ACVR1C: variants seen among roughly 807,000 people sequenced by gnomAD.
ACVR1C encodes activin receptor type-1C.
A neutral mutation model predicts 57.9 loss-of-function variants in ACVR1C; 23 were observed. The observed-to-expected ratio is 0.40, with a 90% CI of 0.29 to 0.56. ACVR1C has a LOEUF of 0.56. Among genes scored for constraint, ACVR1C ranks in the 20% least tolerant of loss-of-function variants. The pLI, the probability that ACVR1C is intolerant of heterozygous loss-of-function variation, is 0.50. For missense variants in ACVR1C, 480 were observed against 607.9 expected (o/e 0.79, Z 2.21); for synonymous variants, 214 against 215.3 (o/e 0.99, Z 0.05).
intron 5 of ACVR1C, among the ~76,000 whole-genome samples, chr2:157,544,063 G>T (rs1293245521): frequency 7.2e-6 from 1 of 139,616 alleles, no homozygotes; most frequent in African/African-American, 2.7e-5. Flanking sequence ...TTTTGAGACA[G>T]GGTCTCGTTC....
chr2:157,597,042 G>A (rs1292835660), intron 1 of ACVR1C, among the ~76,000 whole-genome samples: 1 of 152,032 alleles, frequency 6.6e-6, no homozygotes, highest in Non-Finnish European at 1.5e-5. Flanking sequence ...TCTTGGAGGT[G>A]AATCTTGAGA....
chr2:157,554,655 T>C (rs1261202133), intron 3 of ACVR1C, among the ~76,000 whole-genome samples: 1 of 152,208 alleles, frequency 6.6e-6, no homozygotes, highest in Non-Finnish European at 1.5e-5. Flanking sequence ...TTTTCTTTTC[T>C]GATGAATCCA....
chr2:157,564,225 G>A (rs1688307317), intron 2 of ACVR1C, among the ~76,000 whole-genome samples: 1 of 152,054 alleles, frequency 6.6e-6, no homozygotes, highest in African/African-American at 2.4e-5. Context: ...ATTAGACAAA[G>A]GTCCAGTATC....
At chr2:157,620,940 A>G (rs1283596227) in intron 1 of ACVR1C, among the ~76,000 whole-genome samples, 1 of 152,206 alleles carries the variant, frequency 6.6e-6, no homozygotes, top group African/African-American at 2.4e-5. Flanking sequence ...TTTATTAACC[A>G]TGAGATAACA....
chr2:157,581,558 G>T (rs1573935030), intron 2 of ACVR1C, among the ~76,000 whole-genome samples: 1 of 151,972 alleles, frequency 6.6e-6, no homozygotes, highest in East Asian at 1.9e-4. Flanking sequence ...TAAAACAAAG[G>T]CCCAACCATA....
At chr2:157,618,268 G>A (rs1268892254) in intron 1 of ACVR1C, among the ~76,000 whole-genome samples, 3 of 151,598 alleles carry the variant, frequency 2.0e-5, no homozygotes, top group Non-Finnish European at 4.4e-5. Flanking sequence ...AATAAGCTAT[G>A]GTAATATTAT....
At chr2:157,582,728 C>T (rs1413252507) in intron 2 of ACVR1C, among the ~76,000 whole-genome samples, 7 of 152,048 alleles carry the variant, frequency 4.6e-5, no homozygotes, top group Admixed American at 3.3e-4. Context: ...AGTGCAAAAA[C>T]GCAAGGAAAA....
intron 2 of ACVR1C, among the ~76,000 whole-genome samples, chr2:157,563,892 C>T (rs1688298801): frequency 6.6e-6 from 1 of 152,130 alleles, no homozygotes; most frequent in Non-Finnish European, 1.5e-5. Context: ...AATAATGGTA[C>T]TGGGAGAACT....
intron 4 of ACVR1C, among the ~76,000 whole-genome samples, chr2:157,545,727 C>A (rs1035173478): frequency 1.3e-5 from 2 of 152,134 alleles, no homozygotes; most frequent in African/African-American, 2.4e-5. Context: ...GAAGAGAAAA[C>A]CAAGGATAAT....
At chr2:157,546,194 G>T (rs896204893) in intron 4 of ACVR1C, among the ~76,000 whole-genome samples, 2 of 152,164 alleles carry the variant, frequency 1.3e-5, no homozygotes, top group Admixed American at 1.3e-4. Context: ...CAACCAGTAG[G>T]CAGTTCAGCT....
In ACVR1C at chr2:157,544,455, A is replaced by G. The variant is rs1252352242; in HGVS notation, c.933T>C (p.Val311=). 6.2e-7 allele frequency: 1 copy of G among 1,611,246 alleles called. No homozygotes were observed. The highest frequency in any genetic ancestry group is 8.5e-7 in the Non-Finnish European group (1 of 1,179,040). Residue 311 remains valine (V), a synonymous_variant, in exon 5 of 9, where the codon GTT becomes GTC. Coordinates refer to ENST00000243349, the MANE Select transcript of ACVR1C (RefSeq NM_145259.3). ...SGLAHLHMEI[V]GTQGKPAIAH... is the part of the protein sequence containing the mutation. ...AAAGGAAATACATACCTTGTGTACC[A>G]ACAATCTCCATATGAAGGTGTGCCA...
intron 1 of ACVR1C, among the ~76,000 whole-genome samples, chr2:157,626,605 G>A (rs1682902783): frequency 6.6e-6 from 1 of 152,148 alleles, no homozygotes; most frequent in Non-Finnish European, 1.5e-5. Flanking sequence ...AGTATAATTT[G>A]TAAAAGTGAC....
At chr2:157,561,373 G>A (rs1208334009) in intron 2 of ACVR1C, among the ~76,000 whole-genome samples, 1 of 152,166 alleles carries the variant, frequency 6.6e-6, no homozygotes, top group Non-Finnish European at 1.5e-5. Flanking sequence ...CCAACCAAAA[G>A]GGAATATTGC....
intron 7 of ACVR1C, 56 bp downstream of exon 7, chr2:157,541,034 C>G (rs1489444240): frequency 2.5e-6 from 4 of 1,569,050 alleles, no homozygotes; most frequent in Admixed American, 1.8e-5. Flanking sequence ...AATATCACAT[C>G]TTGTATTCAG....
intron 4 of ACVR1C, among the ~76,000 whole-genome samples, chr2:157,546,620 G>A (rs1687761432): frequency 6.6e-6 from 1 of 151,918 alleles, no homozygotes; most frequent in African/African-American, 2.4e-5. Flanking sequence ...ACTAACTGGA[G>A]CTAAAGTTTA....
chr2:157,540,487 A>C (rs4132018), intron 7 of ACVR1C, among the ~76,000 whole-genome samples: 109,448 of 151,914 alleles, frequency 0.72, 41,125 homozygotes, highest in East Asian at 0.92. Flanking sequence ...TAGTAGAGAC[A>C]GGTTTCTCCA....
intron 3 of ACVR1C, among the ~76,000 whole-genome samples, chr2:157,551,782 C>T (rs1486463322): frequency 6.6e-6 from 1 of 152,132 alleles, no homozygotes; most frequent in East Asian, 1.9e-4. Flanking sequence ...TAGCAATGAC[C>T]CTGTCTTGCA....
In ACVR1C at chr2:157,529,568, CTAG is replaced by C. The variant is rs1197968118; in HGVS notation, c.*4347_*4349del. Reference sequence around the variant, plus strand: ...GCTTTCATAAGAGTTCTGCTAGTAACTAGTAGTCATTTAATCTCTGATCCTTGG... The same window carrying C: ...GCTTTCATAAGAGTTCTGCTAGTAACTAGTCATTTAATCTCTGATCCTTGG... On this transcript the variant is annotated 3_prime_UTR_variant, in exon 9 of 9. Transcript: ENST00000243349. 2 of 152,028 alleles carry C rather than the reference CTAG, an allele frequency of 1.3e-5. No homozygotes were observed. Among genetic ancestry groups the C allele is most frequent in the African/African-American group, 4.8e-5 (2 of 41,422 alleles). The allele number at this position is 152,028 out of a possible 1,614,324, so 9.4% of individuals were successfully genotyped here.
intron 2 of ACVR1C, among the ~76,000 whole-genome samples, chr2:157,562,503 A>C (rs1041724130): frequency 6.8e-6 from 1 of 147,486 alleles, no homozygotes; most frequent in Non-Finnish European, 1.5e-5. Flanking sequence ...ATAAAATAAA[A>C]TAAAATAAAA....
Sources: allele counts gnomAD v4.1 joint callset (sites outside exome capture counted in the v4.1 genomes callset), GRCh38; gene constraint gnomAD v4.1.1; transcripts MANE v1.5; gene names NCBI Gene and HGNC (gene_info 2026-07-23, HGNC 2026-07-21).